SCO2: variants seen among roughly 807,000 people sequenced by gnomAD.
SCO2 encodes cytochrome c oxidase assembly factor SCO2.
For synonymous variants in SCO2, 195 were observed against 148.6 expected, an observed-to-expected ratio of 1.31 and a Z score of -2.27; for missense variants, 429 against 348.7, an observed-to-expected ratio of 1.23 and a Z score of -1.83.
intron 1 of SCO2, among the ~76,000 whole-genome samples, chr22:50,525,062 G>A (rs2148674389): frequency 6.6e-6 from 1 of 152,346 alleles, no homozygotes; most frequent in East Asian, 1.9e-4. Context: ...CTTTGCGTTG[G>A]TGACCTTTGA....
intron 1 of SCO2, chr22:50,524,678 C>T (rs1569521707): frequency 2.9e-6 from 2 of 679,646 alleles, no homozygotes; most frequent in Non-Finnish European, 2.8e-6. Flanking sequence ...TGCACCTGCA[C>T]CTCAGCAAGG....
At chr22:50,524,867 C>T (rs2148673871) in intron 1 of SCO2, 2 of 359,948 alleles carry the variant, frequency 5.6e-6, no homozygotes, top group South Asian at 4.1e-5. Flanking sequence ...CAACCAACCG[C>T]GGCCTTCCTC....
At chr22:50,524,539 T>C (rs1603441691) in intron 1 of SCO2, 115 bp from the exon 2 acceptor site, 3 of 927,232 alleles carry the variant, frequency 3.2e-6, no homozygotes, top group African/African-American at 1.6e-5. Flanking sequence ...ACGTTCAGGC[T>C]TAACAGGCAT....
intron 1 of SCO2, among the ~76,000 whole-genome samples, chr22:50,525,105 T>C (rs955252140): frequency 9.2e-5 from 14 of 152,162 alleles, no homozygotes; most frequent in African/African-American, 3.4e-4. Flanking sequence ...GAAGGTTTGC[T>C]AGGTGGAGGT....
In SCO2 at chr22:50,524,491, C is replaced by T. The variant is rs779177024; in HGVS notation, c.-13-67G>A. 3.5e-6 allele frequency: 5 copies of T among 1,443,034 alleles called. No individual in the cohort carries two copies. The South Asian group carries it at 3.6e-5, about 10-fold the overall frequency. 89.4% of individuals were successfully genotyped at this position (1,443,034 alleles called of 1,614,324 possible). A position where few individuals can be genotyped will look rare whatever the true frequency, so the allele number is the denominator to read the frequency against. On this transcript the variant is annotated intron_variant, in intron 1 of 1. Transcript: ENST00000395693. ...CAGGACAGTGCCTGGGCTGCCCCTG[C>T]GACTTGAGACCAGCCACCCATCTGA...
upstream of SCO2, chr22:50,525,907 GC>G (rs1064792889): frequency 6.5e-7 from 1 of 1,545,936 alleles, no homozygotes; most frequent in Non-Finnish European, 8.7e-7. Flanking sequence ...TGCACGCGGA[GC>G]CAGGGGGTCC....
At chr22:50,525,843 A>G (rs1464940621), upstream of SCO2, 1 of 1,607,416 alleles carries the variant, frequency 6.2e-7, no homozygotes, top group Admixed American at 1.7e-5. Flanking sequence ...GGAGAGTACG[A>G]GCGCCTCCTG....
chr22:50,525,696 C>T (rs1350061737), upstream of SCO2: 14 of 1,559,392 alleles, frequency 9.0e-6, no homozygotes, highest in African/African-American at 6.8e-5. Context: ...TTCATCGAGA[C>T]GGCCCCCGCC....
intron 1 of SCO2, 85 bp downstream of exon 1, chr22:50,525,387 C>T (rs1408525760): frequency 1.7e-5 from 5 of 300,002 alleles, no homozygotes; most frequent in Non-Finnish European, 2.5e-5. Context: ...GCCAGCCCCG[C>T]GCAGTAGCCG....
upstream of SCO2, chr22:50,526,363 C>T: frequency 6.5e-7 from 1 of 1,546,184 alleles, no homozygotes; most frequent in South Asian, 1.2e-5. Flanking sequence ...CCCTGCGCCG[C>T]CAGCATCCGC....
rs199845793 is a variant in SCO2, at chr22:50,523,671, A to G, written c.741T>C (p.Ala247=). 6.2e-7 allele frequency: 1 copy of G among 1,614,066 alleles called. No individual in the cohort carries two copies. The highest frequency in any genetic ancestry group is 1.1e-5 in the South Asian group (1 of 91,088). Residue 247 remains alanine, a synonymous_variant, in exon 2 of 2, where the codon GCT becomes GCC. Coordinates refer to ENST00000395693, the MANE Select transcript of SCO2 (RefSeq NM_005138.3). ...GCCGCACACTGTCTGAGATCTGCTC[A>G]GCCGATCTGCTCCGGCCGTAGTAAT... is the stretch of plus-strand genomic sequence containing the variant. The part of the protein sequence containing the change: ...FTDYYGRSRS[A]EQISDSVRRH...
chr22:50,524,965 CACG>C (rs1186984464), intron 1 of SCO2, among the ~76,000 whole-genome samples: 2 of 152,048 alleles, frequency 1.3e-5, no homozygotes, highest in African/African-American at 2.4e-5. Context: ...GGCAGAGACG[CACG>C]ACACTTCCAC....
chr22:50,525,615 C>G (rs2069316250), upstream of SCO2: 3 of 1,174,470 alleles, frequency 2.6e-6, no homozygotes, highest in Non-Finnish European at 3.7e-6. Context: ...GCTGCGCATG[C>G]GCACACGGGC....
chr22:50,523,806 A>G lies in SCO2; in HGVS notation c.606T>C (p.Ser202=). ...TGSTKQVAQA[S]HSYRVYYNAG... ...CATTGTAGTACACGCGGTAACTGTG[A>G]CTAGCCTGGGCAACCTGTTTGGTGG... is the stretch of plus-strand genomic sequence containing the variant. The change falls in exon 2 of 2, where the codon AGT becomes AGC. Residue 202 remains serine, a synonymous_variant. Transcript: ENST00000395693. 1.9e-6 allele frequency: 3 copies of G among 1,614,108 alleles called. No homozygotes were observed. In the South Asian group the frequency reaches 3.3e-5, roughly 18 times the overall value.
chr22:50,525,636 A>G (rs2069317606), upstream of SCO2: 8 of 1,362,346 alleles, frequency 5.9e-6, no homozygotes, highest in South Asian at 8.8e-5. Flanking sequence ...GCAGCCGCTG[A>G]CAGGCTCTCA....
At chr22:50,524,577 T>G (rs2069248070) in intron 1 of SCO2, 153 bp from the exon 2 acceptor site, 5 of 743,228 alleles carry the variant, frequency 6.7e-6, no homozygotes, top group South Asian at 1.5e-5. Context: ...AGCTCAGAAC[T>G]CCACCTCCAC....
intron 1 of SCO2, chr22:50,524,675 G>A: frequency 1.5e-6 from 1 of 680,012 alleles, no homozygotes; most frequent in Non-Finnish European, 2.8e-6. Flanking sequence ...CCCTGCACCT[G>A]CACCTCAGCA....
intron 1 of SCO2, among the ~76,000 whole-genome samples, chr22:50,525,095 G>A (rs746660318): frequency 6.6e-6 from 1 of 152,050 alleles, no homozygotes; most frequent in Non-Finnish European, 1.5e-5. Context: ...GGCCCCCGCA[G>A]AAGGTTTGCT....
At chr22:50,525,817 C>T, upstream of SCO2, 2 of 1,610,244 alleles carry the variant, frequency 1.2e-6, no homozygotes, top group South Asian at 2.2e-5. Flanking sequence ...GAGGGGGCGG[C>T]GAATGGCGCG....
Sources: allele counts gnomAD v4.1 joint callset (sites outside exome capture counted in the v4.1 genomes callset), GRCh38; gene constraint gnomAD v4.1.1; transcripts MANE v1.5; gene names NCBI Gene and HGNC (gene_info 2026-07-23, HGNC 2026-07-21).